Variants in FIP1L1 observed in about 807,000 individuals in gnomAD.
FIP1L1 encodes factor interacting with PAPOLA and CPSF1, also known as pre-mRNA 3'-end-processing factor FIP1.
In FIP1L1, 21 loss-of-function variants were observed where a neutral mutation model predicts 84.6. The ratio of observed to expected loss-of-function variants is 0.25; its 90% CI spans 0.18 to 0.36. The LOEUF is 0.36. FIP1L1 is among the 10% of genes least tolerant of loss of function. The probability of loss-of-function intolerance (pLI) is 1.00; values close to 1 mark genes in which losing one functional copy is unlikely to be tolerated. For synonymous variants in FIP1L1, 263 were observed against 242.3 expected (o/e 1.09, Z -0.80); for missense variants, 526 against 751.1 (o/e 0.70, Z 3.50).
At chr4:53,406,269 C>T (rs1016266592) in intron 10 of FIP1L1, among the ~76,000 whole-genome samples, 28 of 151,718 alleles carry the variant, frequency 1.8e-4, no homozygotes, top group African/African-American at 5.6e-4. Flanking sequence ...TTGAGATAAT[C>T]GTGGTTTTTG....
intron 15 of FIP1L1, among the ~76,000 whole-genome samples, chr4:53,448,750 A>G (rs1775214799): frequency 6.6e-6 from 1 of 152,128 alleles, no homozygotes; most frequent in Non-Finnish European, 1.5e-5. Context: ...TGGAATTCAT[A>G]CCTTTACAGC....
At chr4:53,388,344 CT>C (rs34128620) in intron 5 of FIP1L1, among the ~76,000 whole-genome samples, 115,017 of 147,438 alleles carry the variant, frequency 0.78, 45,119 homozygotes, top group Non-Finnish European at 0.85. Flanking sequence ...TTACTGATAT[CT>C]TTTTTTTTTT....
intron 10 of FIP1L1, among the ~76,000 whole-genome samples, chr4:53,407,585 G>T (rs1334051780): frequency 8.6e-6 from 1 of 116,394 alleles, no homozygotes; most frequent in Non-Finnish European, 2.0e-5. Flanking sequence ...CTGTCTCGTT[G>T]GTCTGTCTAA....
chr4:53,455,081 A>C (rs182368791), intron 16 of FIP1L1, among the ~76,000 whole-genome samples: 2 of 152,180 alleles, frequency 1.3e-5, no homozygotes, highest in Admixed American at 6.5e-5. Flanking sequence ...TCCCTCACCT[A>C]TCTCTGTCTT....
At chr4:53,447,375 T>C (rs1774661425) in intron 15 of FIP1L1, among the ~76,000 whole-genome samples, 1 of 152,170 alleles carries the variant, frequency 6.6e-6, no homozygotes, top group Non-Finnish European at 1.5e-5. Flanking sequence ...TCATGTACCA[T>C]TCTACTGTGG....
At chr4:53,390,002 A>G in intron 6 of FIP1L1, 129 bp downstream of exon 6, 1 of 644,054 alleles carries the variant, frequency 1.6e-6, no homozygotes, top group Non-Finnish European at 2.6e-6. Flanking sequence ...ACAGTGGCGC[A>G]ATCTTAGTTC....
Position 53,460,220 on chromosome 4 carries a change from T to A in FIP1L1, c.*771T>A. On this transcript the variant is annotated 3_prime_UTR_variant, in exon 18 of 18. Transcript: ENST00000337488. The stretch of plus-strand genomic sequence containing the variant: ...AGGCCCACTGGTGGAGCAGCATGAG[T>A]TTTTATACAGTTACTAACGATTGTG... 5.1e-6 allele frequency: 1 copy of A among 195,070 alleles called. No individual in the cohort carries two copies. The highest frequency in any genetic ancestry group is 8.0e-5 in the East Asian group (1 of 12,520). 12.1% of individuals were successfully genotyped at this position (195,070 alleles called of 1,614,324 possible). A position where few individuals can be genotyped will look rare whatever the true frequency, so the allele number is the denominator to read the frequency against.
chr4:53,459,269 GAAC>G, intron 17 of FIP1L1, 30 bp from the exon 18 acceptor site: 1 of 1,347,222 alleles, frequency 7.4e-7, no homozygotes, highest in Non-Finnish European at 1.0e-6. Context: ...TATTTAAACA[GAAC>G]ACACCTTTTT....
In FIP1L1 at chr4:53,389,846, A is replaced by T; in HGVS notation, c.370A>T (p.Thr124Ser). 1 of 1,602,330 alleles carries T rather than the reference A, an allele frequency of 6.2e-7. No homozygotes were observed. Residue 124 changes from threonine to serine, a missense_variant, in exon 6 of 18, where the codon ACA (threonine) becomes TCA (serine). Physicochemically the swap from Thr to Ser is moderately conservative, Grantham distance 58. Around this residue, in one of 6 missense-constraint regions of FIP1L1, gnomAD observed 169 missense variants for 206.9 expected, o/e 0.82. Transcript: ENST00000337488. ...GTAPVNLNIK[T>S]GGRVYGTTGT... Reference sequence around the variant, plus strand: ...AGCACCTGTAAATCTTAACATCAAGACAGGGGGAAGAGTTTATGGAACTAC... The same window carrying T: ...AGCACCTGTAAATCTTAACATCAAGTCAGGGGGAAGAGTTTATGGAACTAC...
rs150764736 is a variant in FIP1L1 at position 53,409,975 on chromosome 4, C to T, written c.816-4640C>T. On this transcript the variant is annotated intron_variant, in intron 10 of 17. Coordinates refer to ENST00000337488, the MANE Select transcript of FIP1L1 (RefSeq NM_030917.4). ...GGCAATGCCTTGCCCTGCTTTGGCTCGCCCATGGTGCGCTGCACCCACTGT... is the reference window on the plus strand; with the variant it reads ...GGCAATGCCTTGCCCTGCTTTGGCTTGCCCATGGTGCGCTGCACCCACTGT... 8.8e-3 allele frequency among the ~76,000 whole-genome samples: 1,346 copies of T among 152,366 alleles called. 23 individuals are homozygous for T. Among genetic ancestry groups the T allele is most frequent in the African/African-American group, 0.03 (1,268 of 41,584 alleles).
chr4:53,393,409 A>G (rs1745346421), intron 9 of FIP1L1, among the ~76,000 whole-genome samples: 2 of 152,236 alleles, frequency 1.3e-5, no homozygotes, highest in South Asian at 2.1e-4. Flanking sequence ...ACTTTTCATT[A>G]AACAATTTGC....
chr4:53,416,137 C>G (rs1278337380), intron 11 of FIP1L1, among the ~76,000 whole-genome samples: 2 of 152,100 alleles, frequency 1.3e-5, no homozygotes, highest in Non-Finnish European at 2.9e-5. Context: ...TCCATGGAAC[C>G]TAAAAGTTCA....
chr4:53,440,034 T>C (rs1345657937), intron 13 of FIP1L1, among the ~76,000 whole-genome samples: 2 of 152,000 alleles, frequency 1.3e-5, no homozygotes, highest in East Asian at 3.8e-4. Context: ...GAATTGGTTT[T>C]TCCCCCTTTC....
rs528027905 is a variant in FIP1L1, at chr4:53,388,581, C to T, written c.333-1228C>T. Among the ~76,000 whole-genome samples the T allele has an allele frequency of 6.6e-5, 10 of 152,202 alleles. No homozygotes were observed. The East Asian group carries it at 1.2e-3, about 18-fold the overall frequency. On this transcript the variant is annotated intron_variant, in intron 5 of 17. Transcript: ENST00000337488. ...TGATCTCCTGACCTCGTGATCCACC[C>T]GCCTCGGCCTCCCAAAGTGCTGGGA...
chr4:53,434,468 TA>T (rs1055568227), intron 13 of FIP1L1, among the ~76,000 whole-genome samples: 10 of 147,142 alleles, frequency 6.8e-5, no homozygotes, highest in Non-Finnish European at 1.2e-4. Context: ...AACATCTTAG[TA>T]AATTTTTTTT....
intron 11 of FIP1L1, among the ~76,000 whole-genome samples, chr4:53,414,996 GCAGGTTAATTCTTTCT>G (rs1433058137): frequency 6.6e-6 from 1 of 151,072 alleles, no homozygotes; most frequent in African/African-American, 2.4e-5. Context: ...TTCTCTTGCT[GCAGGTTAATTCTTTCT>G]CATACCACAT....
chr4:53,446,069 T>C (rs1278973227), intron 15 of FIP1L1, among the ~76,000 whole-genome samples: 1 of 152,184 alleles, frequency 6.6e-6, no homozygotes, highest in East Asian at 1.9e-4. Context: ...CTTCTAGGTA[T>C]CTCTATCAGG....
At position 53,458,227 on chromosome 4, in the gene FIP1L1, T is replaced by C. The variant is rs187090556; in HGVS notation, c.1500-426T>C. Among the ~76,000 whole-genome samples, 1,431 of 152,270 alleles carry C rather than the reference T, an allele frequency of 9.4e-3. 20 individuals carry two copies. The highest frequency in any genetic ancestry group is 0.033 in the African/African-American group (1,366 of 41,554). On this transcript the variant is annotated intron_variant, in intron 16 of 17. Coordinates refer to ENST00000337488, the MANE Select transcript of FIP1L1 (RefSeq NM_030917.4). ...GTATTTTTATAATGTTAAACGTATG[T>C]CCAAGACTTTCCAAGAATATTGATT...
intron 10 of FIP1L1, among the ~76,000 whole-genome samples, chr4:53,406,794 C>T (rs1254458647): frequency 6.6e-6 from 1 of 152,194 alleles, no homozygotes; most frequent in Non-Finnish European, 1.5e-5. Context: ...AGTTTATTTG[C>T]GTAGAAGTGT....
Sources: gnomAD v4.1 joint callset for allele counts (sites outside exome capture counted in the v4.1 genomes callset) on GRCh38, gnomAD v4.1.1 for gene constraint, gnomAD v4.1.1 regional missense constraint, MANE v1.5 for transcripts, NCBI Gene and HGNC (gene_info 2026-07-23, HGNC 2026-07-21) for gene names.